PTPRM: variants seen among roughly 807,000 people sequenced by gnomAD.
The protein encoded by PTPRM is receptor-type tyrosine-protein phosphatase mu.
PTPRM carries 47 observed loss-of-function variants against 186.7 expected under a neutral mutation model. That is an observed-to-expected ratio of 0.25 (90% CI 0.20 to 0.32). The LOEUF (loss-of-function observed/expected upper bound fraction) is 0.32, where lower values mean the gene tolerates loss of function less well. Ranked by LOEUF, PTPRM falls within the 10% of genes least tolerant of loss-of-function variation. The pLI, the probability that PTPRM is intolerant of heterozygous loss-of-function variation, is 1.00. For synonymous variants in PTPRM, 668 were observed against 674.9 expected (o/e 0.99, Z 0.16); for missense variants, 1,494 against 1,865.0 (o/e 0.80, Z 3.66).
chr18:7,841,717 A>G (rs540279194), intron 2 of PTPRM, among the ~76,000 whole-genome samples: 2 of 152,316 alleles, frequency 1.3e-5, no homozygotes, highest in African/African-American at 4.8e-5. Context: ...TAGTCAGTTA[A>G]CTAGAAAATG....
chr18:8,119,912 C>T (rs1035845160), intron 13 of PTPRM, among the ~76,000 whole-genome samples: 1 of 152,082 alleles, frequency 6.6e-6, no homozygotes. Flanking sequence ...ATATCTGGAG[C>T]TGATAAATCC....
At chr18:8,234,944 C>T (rs942342386) in intron 14 of PTPRM, among the ~76,000 whole-genome samples, 17 of 152,006 alleles carry the variant, frequency 1.1e-4, no homozygotes, top group Middle Eastern at 3.2e-3. Context: ...TCTACTTGGC[C>T]ATGGTGTATA....
At chr18:7,655,593 A>G (rs2038828260) in intron 1 of PTPRM, among the ~76,000 whole-genome samples, 1 of 152,226 alleles carries the variant, frequency 6.6e-6, no homozygotes, top group African/African-American at 2.4e-5. Context: ...ATCTGCACAC[A>G]TGGTTATAGC....
intron 5 of PTPRM, among the ~76,000 whole-genome samples, chr18:7,941,188 T>C (rs1258849261): frequency 6.6e-6 from 1 of 152,162 alleles, no homozygotes; most frequent in Non-Finnish European, 1.5e-5. Flanking sequence ...CCTTCTTCAG[T>C]TCCCTAACTG....
intron 4 of PTPRM, among the ~76,000 whole-genome samples, chr18:7,915,382 A>C (rs1412181995): frequency 1.3e-5 from 2 of 152,052 alleles, no homozygotes; most frequent in African/African-American, 2.4e-5. Context: ...TGAATATGAG[A>C]TAGATTGAAA....
chr18:7,948,177 AG>A (rs2052681139), intron 5 of PTPRM, among the ~76,000 whole-genome samples: 1 of 140,666 alleles, frequency 7.1e-6, no homozygotes, highest in Non-Finnish European at 1.6e-5. Context: ...ACACACACAC[AG>A]GTTTCCGCTT....
chr18:8,027,412 T>C (rs922553673), intron 7 of PTPRM, among the ~76,000 whole-genome samples: 5 of 152,220 alleles, frequency 3.3e-5, no homozygotes, highest in Admixed American at 2.6e-4. Context: ...TTTGCTGCTT[T>C]AGCATATGAG....
In PTPRM at chr18:8,406,374, A is replaced by G. The variant is rs903092669; in HGVS notation, c.*212A>G. ...CTGACAGAAACACACACACAGCCAC[A>G]GTTGCCAAATCCCGTACTCCTTGCC... is the stretch of plus-strand genomic sequence containing the variant. On this transcript the variant is annotated 3_prime_UTR_variant, in exon 33 of 33. Transcript: ENST00000580170. The G allele has an allele frequency of 1.8e-5, 10 of 562,954 alleles. No individual in the cohort carries two copies. The highest frequency in any genetic ancestry group is 3.1e-5 in the Non-Finnish European group (10 of 317,986). 34.9% of individuals were successfully genotyped at this position (562,954 alleles called of 1,614,324 possible).
chr18:7,638,550 G>T (rs2038372204), intron 1 of PTPRM, among the ~76,000 whole-genome samples: 2 of 152,176 alleles, frequency 1.3e-5, no homozygotes, highest in African/African-American at 4.8e-5. Context: ...GTCTGCCCTA[G>T]TTTTTTAATG....
chr18:8,353,214 G>A (rs1217914408), intron 23 of PTPRM, among the ~76,000 whole-genome samples: 1 of 152,156 alleles, frequency 6.6e-6, no homozygotes, highest in Non-Finnish European at 1.5e-5. Flanking sequence ...AGAACTCTGA[G>A]GCCGGGAAGC....
At chr18:8,151,051 A>G (rs549090912) in intron 14 of PTPRM, among the ~76,000 whole-genome samples, 1 of 152,228 alleles carries the variant, frequency 6.6e-6, no homozygotes, top group East Asian at 1.9e-4. Flanking sequence ...GCTCTCCTGT[A>G]TGAGGTGTCT....
chr18:7,686,775 A>G (rs1291090907), intron 1 of PTPRM, among the ~76,000 whole-genome samples: 1 of 152,202 alleles, frequency 6.6e-6, no homozygotes, highest in Non-Finnish European at 1.5e-5. Context: ...TTTATGGGTA[A>G]GTGATCATGT....
At chr18:7,892,835 G>C (rs1022380610) in intron 3 of PTPRM, among the ~76,000 whole-genome samples, 1 of 152,144 alleles carries the variant, frequency 6.6e-6, no homozygotes, top group African/African-American at 2.4e-5. Flanking sequence ...CACACAGTTA[G>C]GGGGAGGTCA....
At chr18:8,138,086 G>A (rs538896074) in intron 13 of PTPRM, among the ~76,000 whole-genome samples, 3 of 152,200 alleles carry the variant, frequency 2.0e-5, no homozygotes, top group South Asian at 2.1e-4. Context: ...CCACGTTCAC[G>A]GCTTCATCCC....
intron 2 of PTPRM, among the ~76,000 whole-genome samples, chr18:7,860,565 T>G (rs1280961974): frequency 6.6e-6 from 1 of 152,148 alleles, no homozygotes; most frequent in Non-Finnish European, 1.5e-5. Flanking sequence ...CAGAACTAAT[T>G]AGCCTTTCCA....
At chr18:7,835,030 TTGTC>T (rs1254272377) in intron 2 of PTPRM, among the ~76,000 whole-genome samples, 4 of 150,658 alleles carry the variant, frequency 2.7e-5, no homozygotes, top group African/African-American at 9.7e-5. Context: ...GGCTAAATGT[TTGTC>T]TGTTTAACTT....
chr18:8,352,245 G>A (rs1024874018), intron 23 of PTPRM, among the ~76,000 whole-genome samples: 3 of 152,166 alleles, frequency 2.0e-5, no homozygotes, highest in South Asian at 2.1e-4. Context: ...AGGTCTTCTC[G>A]GAGCACGTGG....
At chr18:8,404,127 C>T (rs1252307268) in intron 32 of PTPRM, 2 of 152,174 alleles carry the variant, frequency 1.3e-5, no homozygotes, top group Non-Finnish European at 2.9e-5. Context: ...GAGGAGCTGC[C>T]AGACGGTTTT....
rs141362935 is a variant in PTPRM at position 8,195,923 on chromosome 18, C to T, written c.2301-48135C>T. 5.3e-3 allele frequency among the ~76,000 whole-genome samples: 807 copies of T among 152,274 alleles called. 6 individuals are homozygous for T. The highest frequency in any genetic ancestry group is 0.014 in the Middle Eastern group (4 of 294). On this transcript the variant is annotated intron_variant, in intron 14 of 32. Transcript: ENST00000580170. ...ATAAAGACAAAAAAATCAATCCTCACATCATATGAGAAAAAATGAAAAGAA... is the reference window on the plus strand; with the variant it reads ...ATAAAGACAAAAAAATCAATCCTCATATCATATGAGAAAAAATGAAAAGAA...
Sources: gnomAD v4.1 joint callset for allele counts (sites outside exome capture counted in the v4.1 genomes callset) on GRCh38, gnomAD v4.1.1 for gene constraint, MANE v1.5 for transcripts, NCBI Gene and HGNC (gene_info 2026-07-23, HGNC 2026-07-21) for gene names.